The following RBPMS variants were observed in gnomAD, a reference collection of about 807,000 sequenced individuals.
RBPMS encodes the protein RNA-binding protein with multiple splicing.
RBPMS carries 7 observed loss-of-function variants against 26.8 expected under a neutral mutation model. The ratio of observed to expected loss-of-function variants is 0.26; its 90% CI spans 0.15 to 0.49. The LOEUF is 0.49. Among genes scored for constraint, RBPMS ranks in the 20% least tolerant of loss-of-function variants. RBPMS has a pLI of 0.98. For missense variants in RBPMS, 186 were observed against 250.0 expected (o/e 0.74, Z 1.73); for synonymous variants, 96 against 93.3 (o/e 1.03, Z -0.17).
intron 1 of RBPMS, among the ~76,000 whole-genome samples, chr8:30,453,027 C>T (rs1000845260): frequency 1.3e-5 from 2 of 152,186 alleles, no homozygotes; most frequent in Middle Eastern, 3.2e-3. Context: ...TCCCCTTCCT[C>T]GTGGATTCAT....
chr8:30,546,162 TCCCACCCC>T (rs1825851809), intron 6 of RBPMS, among the ~76,000 whole-genome samples: 2 of 152,170 alleles, frequency 1.3e-5, no homozygotes, highest in Non-Finnish European at 2.9e-5. Flanking sequence ...GCTTGCCACC[TCCCACCCC>T]TGCTCTGGAT....
At chr8:30,521,537 A>C (rs1823020991) in intron 5 of RBPMS, among the ~76,000 whole-genome samples, 1 of 152,208 alleles carries the variant, frequency 6.6e-6, no homozygotes, top group Admixed American at 6.5e-5. Context: ...TGGTATGGGA[A>C]TGCTTATTTC....
chr8:30,524,862 T>G (rs1823416825), intron 5 of RBPMS, among the ~76,000 whole-genome samples: 1 of 152,186 alleles, frequency 6.6e-6, no homozygotes, highest in Non-Finnish European at 1.5e-5. Context: ...TAAAACTACT[T>G]TTTCGTAGCC....
At chr8:30,435,237 CAT>C (rs1357980928) in intron 1 of RBPMS, among the ~76,000 whole-genome samples, 6 of 152,202 alleles carry the variant, frequency 3.9e-5, no homozygotes, top group African/African-American at 4.8e-5. Flanking sequence ...TTGGGCTACA[CAT>C]ATGAGGTATA....
chr8:30,565,290 C>T (rs913691196), intron 7 of RBPMS: 1 of 152,236 alleles, frequency 6.6e-6, no homozygotes, highest in Admixed American at 6.5e-5. Context: ...TTTCAGCACA[C>T]GCAGTCCCCT....
At chr8:30,501,542 T>G (rs1431061599) in intron 4 of RBPMS, among the ~76,000 whole-genome samples, 1 of 152,184 alleles carries the variant, frequency 6.6e-6, no homozygotes, top group Non-Finnish European at 1.5e-5. Flanking sequence ...TTGTAGAGAC[T>G]GTTGGCTGTC....
At chr8:30,385,243 T>A in intron 1 of RBPMS, 85 bp downstream of exon 1, 1 of 962,872 alleles carries the variant, frequency 1.0e-6, no homozygotes, top group Non-Finnish European at 1.4e-6. Flanking sequence ...GGCGCGGCGG[T>A]GGAAGAAGGT....
intron 5 of RBPMS, among the ~76,000 whole-genome samples, chr8:30,527,547 C>T (rs1240939011): frequency 1.3e-5 from 2 of 152,140 alleles, no homozygotes; most frequent in Non-Finnish European, 2.9e-5. Context: ...GGCCTACAAC[C>T]GTTGGTTACA....
chr8:30,448,958 G>A (rs1814204070), intron 1 of RBPMS, among the ~76,000 whole-genome samples: 1 of 152,162 alleles, frequency 6.6e-6, no homozygotes, highest in South Asian at 2.1e-4. Context: ...TGCTGTCCTG[G>A]CTAGCTTTCT....
intron 6 of RBPMS, among the ~76,000 whole-genome samples, chr8:30,548,332 G>A (rs1257371285): frequency 6.7e-6 from 1 of 149,024 alleles, no homozygotes; most frequent in Non-Finnish European, 1.5e-5. Context: ...AGAGAAAGTC[G>A]TTAAAGTATA....
At chr8:30,494,605 C>T (rs1011935931) in intron 4 of RBPMS, among the ~76,000 whole-genome samples, 1 of 152,150 alleles carries the variant, frequency 6.6e-6, no homozygotes, top group Non-Finnish European at 1.5e-5. Flanking sequence ...TCCACACTCC[C>T]GATTCTCACA....
rs762122579 is a variant in RBPMS, at chr8:30,543,079, G to A, written c.398-1415G>A. On this transcript the variant is annotated intron_variant, in intron 5 of 8. Coordinates refer to ENST00000397323, the MANE Select transcript of RBPMS (RefSeq NM_001008710.3). ...TTTACTGCCTTGTTGAGAGGAGAAGGGAGTCAGGAAGGCCAACCAGCAACA... is the reference window on the plus strand; with the variant it reads ...TTTACTGCCTTGTTGAGAGGAGAAGAGAGTCAGGAAGGCCAACCAGCAACA... Among the ~76,000 whole-genome samples, 6 of 152,102 alleles carry A rather than the reference G, an allele frequency of 3.9e-5. 1 individual carries two copies. Among genetic ancestry groups the A allele is most frequent in the Admixed American group, 2.0e-4 (3 of 15,272 alleles).
Position 30,385,145 on chromosome 8 carries a change from T to A in RBPMS, c.53T>A (p.Leu18His). ...GAGAACACCCCGAGCGAGGCCAACC[T>A]TCAGGAGGAGGAGGTACTGGGCGGC... The part of the protein sequence containing the change: ...EKENTPSEAN[L>H]QEEEVRTLFV... The change falls in exon 1 of 9, where the codon CTT (leucine) becomes CAT (histidine). Residue 18 changes from leucine (L) to histidine (H), a missense_variant. Transcript: ENST00000397323. 2 of 1,520,646 alleles carry A rather than the reference T, an allele frequency of 1.3e-6. No homozygotes were observed. The highest frequency in any genetic ancestry group is 2.7e-5 in the East Asian group (1 of 36,744). 94.2% of individuals were successfully genotyped at this position (1,520,646 alleles called of 1,614,324 possible).
At chr8:30,518,628 A>C (rs957232107) in intron 5 of RBPMS, among the ~76,000 whole-genome samples, 1 of 133,132 alleles carries the variant, frequency 7.5e-6, no homozygotes, top group African/African-American at 2.8e-5. Flanking sequence ...GGGTTTCACC[A>C]TGTTGGCCAG....
chr8:30,388,625 T>C (rs1312063690), intron 1 of RBPMS, among the ~76,000 whole-genome samples: 3 of 149,186 alleles, frequency 2.0e-5, no homozygotes, highest in African/African-American at 7.4e-5. Context: ...ACTTATAACT[T>C]ATAGCTATAG....
chr8:30,438,374 G>A (rs1028630896), intron 1 of RBPMS, among the ~76,000 whole-genome samples: 1 of 152,194 alleles, frequency 6.6e-6, no homozygotes, highest in African/African-American at 2.4e-5. Context: ...ACCGTAAGTG[G>A]AACCAGGAAG....
intron 4 of RBPMS, among the ~76,000 whole-genome samples, 181 bp downstream of exon 4, chr8:30,479,558 T>G (rs1189960232): frequency 6.6e-6 from 1 of 152,214 alleles, no homozygotes; most frequent in Admixed American, 6.5e-5. Flanking sequence ...GATATGCAGA[T>G]TATTAAATAG....
chr8:30,448,887 G>A (rs551810367), intron 1 of RBPMS, among the ~76,000 whole-genome samples: 1 of 152,332 alleles, frequency 6.6e-6, no homozygotes, highest in African/African-American at 2.4e-5. Flanking sequence ...TCTATGTCCA[G>A]ATTATTAAAA....
chr8:30,488,839 TAAGAA>T (rs1819070674), intron 4 of RBPMS, among the ~76,000 whole-genome samples: 1 of 152,200 alleles, frequency 6.6e-6, no homozygotes, highest in African/African-American at 2.4e-5. Context: ...TAATTGAGGC[TAAGAA>T]GAGAACAATG....
Sources: gnomAD v4.1 joint callset for allele counts (sites outside exome capture counted in the v4.1 genomes callset) on GRCh38, gnomAD v4.1.1 for gene constraint, MANE v1.5 for transcripts, NCBI Gene and HGNC (gene_info 2026-07-23, HGNC 2026-07-21) for gene names.